Variants in ICOS observed in about 807,000 individuals in gnomAD.
The protein encoded by ICOS is inducible T cell costimulator, also known as inducible T-cell costimulator.
In ICOS, 15 loss-of-function variants were observed where a neutral mutation model predicts 24.6. That is an observed-to-expected ratio of 0.61 (90% CI 0.41 to 0.94). The LOEUF is 0.94. Among genes scored for constraint, ICOS ranks in the 40% least tolerant of loss-of-function variants. The pLI is 0.00. For missense variants in ICOS, 200 were observed against 233.0 expected, an observed-to-expected ratio of 0.86 and a Z score of 0.92; for synonymous variants, 89 against 77.5, an observed-to-expected ratio of 1.15 and a Z score of -0.78.
Position 203,961,248 on chromosome 2 carries a change from A to G in ICOS, c.*1649A>G, listed in dbSNP as rs1690173379. On this transcript the variant is annotated 3_prime_UTR_variant, in exon 5 of 5. Transcript: ENST00000316386. Reference sequence around the variant, plus strand: ...CTGGATGTGTACAGTACAGTACTGAACTTGTAATTTGAATCTAGTATGGTG... The same window carrying G: ...CTGGATGTGTACAGTACAGTACTGAGCTTGTAATTTGAATCTAGTATGGTG... 1 of 153,504 alleles carries G rather than the reference A, an allele frequency of 6.5e-6. No homozygotes were observed. The highest frequency in any genetic ancestry group is 2.1e-4 in the South Asian group (1 of 4,770). The allele number at this position is 153,504 out of a possible 1,614,324, so 9.5% of individuals were successfully genotyped here.
intron 1 of ICOS, 100 bp downstream of exon 1, chr2:203,936,972 T>C: frequency 1.1e-6 from 1 of 902,818 alleles, no homozygotes; most frequent in South Asian, 1.4e-5. Context: ...ACAGTGGTTT[T>C]GGTTTTTGAA....
At chr2:203,936,898 A>G (rs749738039) in intron 1 of ICOS, 26 bp downstream of exon 1, 1 of 1,484,798 alleles carries the variant, frequency 6.7e-7, no homozygotes, top group Admixed American at 1.7e-5. Context: ...AATATTTCTT[A>G]TTAAGTTATA....
In ICOS at chr2:203,959,860, G is replaced by C; in HGVS notation, c.*261G>C. ...AAGCCCAGCTCCTGTGTGCTCACTG[G>C]GAGTGGAATCCCTGTCTCCACATCT... On this transcript the variant is annotated 3_prime_UTR_variant, in exon 5 of 5. Coordinates refer to ENST00000316386, the MANE Select transcript of ICOS (RefSeq NM_012092.4). 1 of 566,896 alleles carries C rather than the reference G, an allele frequency of 1.8e-6. No homozygotes were observed. Among genetic ancestry groups the C allele is most frequent in the Non-Finnish European group, 3.2e-6 (1 of 314,526 alleles). 35.1% of individuals were successfully genotyped at this position (566,896 alleles called of 1,614,324 possible).
intron 1 of ICOS, among the ~76,000 whole-genome samples, chr2:203,939,838 T>G (rs1196934143): frequency 6.6e-6 from 1 of 152,146 alleles, no homozygotes; most frequent in Non-Finnish European, 1.5e-5. Flanking sequence ...CCTTCCAGAG[T>G]GTTCTTGTTA....
chr2:203,947,810 C>T (rs535833708), intron 1 of ICOS, among the ~76,000 whole-genome samples: 1 of 152,304 alleles, frequency 6.6e-6, no homozygotes, highest in East Asian at 1.9e-4. Context: ...TAAGACTCAT[C>T]ACCAGGATCC....
intron 1 of ICOS, among the ~76,000 whole-genome samples, chr2:203,948,703 T>C (rs997420574): frequency 2.0e-5 from 3 of 152,184 alleles, no homozygotes; most frequent in African/African-American, 7.2e-5. Flanking sequence ...TTTATGTCAG[T>C]TAATGTACTA....
rs960724664 is a variant in ICOS at position 203,957,831 on chromosome 2, T to A, written c.534T>A (p.Gly178=). 3 of 1,613,276 alleles carry A rather than the reference T, an allele frequency of 1.9e-6. No individual in the cohort carries two copies. The highest frequency in any genetic ancestry group is 2.5e-6 in the Non-Finnish European group (3 of 1,179,482). The change falls in exon 4 of 5, where the codon GGT becomes GGA. Residue 178 remains glycine, a synonymous_variant. Transcript: ENST00000316386. ...CATCCAGTGTGCACGACCCTAACGG[T>A]GAATACATGTTCATGAGAGCAGTGA... is the stretch of plus-strand genomic sequence containing the variant. ...KYSSSVHDPN[G]EYMFMRAVNT... is the part of the protein sequence containing the mutation.
chr2:203,941,497 T>C (rs1416974123), intron 1 of ICOS, among the ~76,000 whole-genome samples: 1 of 152,216 alleles, frequency 6.6e-6, no homozygotes, highest in Non-Finnish European at 1.5e-5. Flanking sequence ...TTCATCCCAG[T>C]ATTCACAGTT....
intron 1 of ICOS, among the ~76,000 whole-genome samples, chr2:203,953,512 A>AT (rs1253160114): frequency 2.1e-4 from 32 of 152,352 alleles, no homozygotes; most frequent in South Asian, 6.2e-4. Context: ...AATTGAAGAT[A>AT]TATAGGGAAA....
At chr2:203,946,720 A>G (rs1201056266) in intron 1 of ICOS, among the ~76,000 whole-genome samples, 4 of 152,170 alleles carry the variant, frequency 2.6e-5, no homozygotes, top group Non-Finnish European at 5.9e-5. Context: ...ACTAAAACCT[A>G]ATATAAACAT....
chr2:203,938,687 C>T (rs1437500160), intron 1 of ICOS, among the ~76,000 whole-genome samples: 1 of 152,182 alleles, frequency 6.6e-6, no homozygotes, highest in Non-Finnish European at 1.5e-5. Flanking sequence ...ATTAAAGTAG[C>T]ATCGGTGTCA....
rs930190747 is a variant in ICOS, at chr2:203,954,323, C to A, written c.59-1313C>A. ...AAGTGGGGCTGGGCATGGTGGTTCACGTCTGTAATCCTAGCACTTTAAGAG... is the reference window on the plus strand; with the variant it reads ...AAGTGGGGCTGGGCATGGTGGTTCAAGTCTGTAATCCTAGCACTTTAAGAG... On this transcript the variant is annotated intron_variant, in intron 1 of 4. Coordinates refer to ENST00000316386, the MANE Select transcript of ICOS (RefSeq NM_012092.4). 3.9e-5 allele frequency among the ~76,000 whole-genome samples: 6 copies of A among 152,152 alleles called. No individual in the cohort carries two copies. The South Asian group carries it at 6.2e-4, about 16-fold the overall frequency.
chr2:203,959,518 G>A (rs1266689611), intron 4 of ICOS, 68 bp from the exon 5 acceptor site: 8 of 1,396,298 alleles, frequency 5.7e-6, no homozygotes, highest in Admixed American at 3.4e-5. Context: ...ATGGAGAGGG[G>A]AAAGCTTCTT....
At chr2:203,944,642 A>G (rs569501853) in intron 1 of ICOS, among the ~76,000 whole-genome samples, 4 of 152,248 alleles carry the variant, frequency 2.6e-5, no homozygotes, top group African/African-American at 9.6e-5. Flanking sequence ...TTGAGCTTCC[A>G]CTATGTTCAA....
At chr2:203,954,303 G>T (rs981443409) in intron 1 of ICOS, among the ~76,000 whole-genome samples, 1 of 152,120 alleles carries the variant, frequency 6.6e-6, no homozygotes, top group Non-Finnish European at 1.5e-5. Flanking sequence ...TGAAAAAGTG[G>T]GGCTGGGCAT....
At position 203,959,601 on chromosome 2, in the gene ICOS, A is replaced by G. The variant is rs10183087; in HGVS notation, c.*2A>G. 5 of 1,611,864 alleles carry G rather than the reference A, an allele frequency of 3.1e-6. No individual in the cohort carries two copies. The highest frequency in any genetic ancestry group is 3.4e-6 in the Non-Finnish European group (4 of 1,178,342). ...TTTGTTACAGATGTGACCCTATAAT[A>G]TGGAACTCTGGCACCCAGGCATGAA... On this transcript the variant is annotated 3_prime_UTR_variant, in exon 5 of 5. Transcript: ENST00000316386.
At chr2:203,946,489 C>G (rs1048801313) in intron 1 of ICOS, among the ~76,000 whole-genome samples, 1 of 151,502 alleles carries the variant, frequency 6.6e-6, no homozygotes, top group African/African-American at 2.4e-5. Context: ...GTCTATCCTC[C>G]CTCCCTTCCT....
chr2:203,958,239 T>A (rs918354948), intron 4 of ICOS, among the ~76,000 whole-genome samples: 2 of 152,174 alleles, frequency 1.3e-5, no homozygotes, highest in Non-Finnish European at 2.9e-5. Context: ...TTATTGAGCA[T>A]CAGTTAAGTG....
intron 1 of ICOS, among the ~76,000 whole-genome samples, chr2:203,943,116 A>G (rs1010778281): frequency 2.6e-5 from 4 of 152,284 alleles, no homozygotes; most frequent in South Asian, 2.1e-4. Flanking sequence ...TCCCTCCCCG[A>G]TTAGCTTAAT....
Sources: gnomAD v4.1 joint callset for allele counts (sites outside exome capture counted in the v4.1 genomes callset) on GRCh38, gnomAD v4.1.1 for gene constraint, MANE v1.5 for transcripts, NCBI Gene and HGNC (gene_info 2026-07-23, HGNC 2026-07-21) for gene names.